Variants in SCIN observed in about 807,000 individuals in gnomAD.
The protein encoded by SCIN is adseverin.
SCIN carries 91 observed loss-of-function variants against 91.8 expected under a neutral mutation model. That is an observed-to-expected ratio of 0.99 (90% CI 0.84 to 1.18). SCIN has a LOEUF of 1.18. Among genes scored for constraint, SCIN ranks in the 50% most tolerant of loss-of-function variants. The probability of loss-of-function intolerance (pLI) is 0.00; values close to 1 mark genes in which losing one functional copy is unlikely to be tolerated. For synonymous variants in SCIN, 367 were observed against 312.6 expected (o/e 1.17, Z -1.84); for missense variants, 1,087 against 863.9 (o/e 1.26, Z -3.24).
At chr7:12,626,276 A>G (rs915459586) in intron 7 of SCIN, 2 of 350,976 alleles carry the variant, frequency 5.7e-6, no homozygotes, top group African/African-American at 4.3e-5. Context: ...CCTCATTTTT[A>G]TGTCCCTGCA....
intron 11 of SCIN, among the ~76,000 whole-genome samples, chr7:12,641,285 C>T (rs887637651): frequency 6.6e-6 from 1 of 152,140 alleles, no homozygotes; most frequent in African/African-American, 2.4e-5. Flanking sequence ...CCTCCCTCTC[C>T]CTGCACCTGA....
intron 3 of SCIN, among the ~76,000 whole-genome samples, chr7:12,600,986 A>T (rs749549692): frequency 4.6e-5 from 7 of 152,170 alleles, no homozygotes; most frequent in Non-Finnish European, 1.0e-4. Context: ...CAATGCCCAG[A>T]TGTAGAAAAG....
chr7:12,606,087 C>A (rs1056827176), intron 4 of SCIN, among the ~76,000 whole-genome samples: 49 of 152,286 alleles, frequency 3.2e-4, no homozygotes, highest in African/African-American at 1.2e-3. Flanking sequence ...AAATTAATTT[C>A]CATTTGTTCA....
chr7:12,612,989 T>C (rs950128748), intron 4 of SCIN, among the ~76,000 whole-genome samples: 3 of 152,164 alleles, frequency 2.0e-5, no homozygotes, highest in Non-Finnish European at 4.4e-5. Flanking sequence ...CCCTTTAGCT[T>C]GCAGCTGAAG....
intron 3 of SCIN, among the ~76,000 whole-genome samples, chr7:12,599,370 A>AGTGTGT (rs10659954): frequency 0.029 from 4,374 of 149,288 alleles, 64 homozygotes; most frequent in Middle Eastern, 0.034. Flanking sequence ...TTTCATGGTG[A>AGTGTGT]GTGTGTGTGT....
intron 4 of SCIN, 60 bp downstream of exon 4, chr7:12,604,723 GGTGT>G (rs78612532): frequency 0.029 from 26,413 of 919,088 alleles, 351 homozygotes; most frequent in Non-Finnish European, 0.035. Flanking sequence ...GTGTCTGTGT[GGTGT>G]GTGTGTGTGT....
At chr7:12,591,975 G>T (rs1274654399) in intron 3 of SCIN, among the ~76,000 whole-genome samples, 5 of 152,106 alleles carry the variant, frequency 3.3e-5, no homozygotes, top group African/African-American at 7.2e-5. Flanking sequence ...CAAAGAAGAA[G>T]GTCGTCCACA....
Position 12,655,096 on chromosome 7 carries a change from C to T in SCIN, c.*2381C>T, listed in dbSNP as rs1034131612. 2.0e-5 allele frequency: 3 copies of T among 152,172 alleles called. No homozygotes were observed. The highest frequency in any genetic ancestry group is 7.2e-5 in the African/African-American group (3 of 41,440). 9.4% of individuals were successfully genotyped at this position (152,172 alleles called of 1,614,324 possible). On this transcript the variant is annotated 3_prime_UTR_variant, in exon 16 of 16. Coordinates refer to ENST00000297029, the MANE Select transcript of SCIN (RefSeq NM_001112706.3). Reference sequence around the variant, plus strand: ...CTTATATAAAACGGCATAGTATTTGCATAAAACCTATACCATTCTCCTGTA... The same window carrying T: ...CTTATATAAAACGGCATAGTATTTGTATAAAACCTATACCATTCTCCTGTA...
At chr7:12,577,280 T>C (rs1782391912) in intron 1 of SCIN, among the ~76,000 whole-genome samples, 2 of 152,136 alleles carry the variant, frequency 1.3e-5, no homozygotes, top group African/African-American at 4.8e-5. Flanking sequence ...AAAATTAAAT[T>C]ATATTCATTT....
At position 12,626,647 on chromosome 7, in the gene SCIN, G is replaced by C; in HGVS notation, c.1045G>C (p.Asp349His). 1 of 1,556,184 alleles carries C rather than the reference G, an allele frequency of 6.4e-7. No homozygotes were observed. Among genetic ancestry groups the C allele is most frequent in the Non-Finnish European group, 8.7e-7 (1 of 1,149,310 alleles). The change falls in exon 8 of 16, where the codon GAT becomes CAT. Residue 349 changes from aspartate to histidine, a missense_variant. Coordinates refer to ENST00000297029, the MANE Select transcript of SCIN (RefSeq NM_001112706.3). ...CAAACAGTTTTTTAAGGACTGGAGA[G>C]ATAAAGATCAGAGTGATGGCTTCGG... is the stretch of plus-strand genomic sequence containing the variant. ...IFKQFFKDWR[D>H]KDQSDGFGKV...
intron 3 of SCIN, among the ~76,000 whole-genome samples, chr7:12,585,459 A>G (rs913232409): frequency 1.9e-4 from 29 of 152,174 alleles, no homozygotes; most frequent in African/African-American, 6.8e-4. Context: ...CAGAGCTTCA[A>G]CTACTACCCA....
At chr7:12,638,431 G>A (rs1395425888) in intron 10 of SCIN, among the ~76,000 whole-genome samples, 1 of 152,132 alleles carries the variant, frequency 6.6e-6, no homozygotes, top group Non-Finnish European at 1.5e-5. Flanking sequence ...AGTTCAAACT[G>A]AAAGCAGGTG....
chr7:12,608,587 C>T (rs900078600), intron 4 of SCIN, among the ~76,000 whole-genome samples: 3 of 152,236 alleles, frequency 2.0e-5, no homozygotes, highest in Admixed American at 1.3e-4. Flanking sequence ...AAGTGATTCT[C>T]CTGCCTCAGC....
At chr7:12,608,298 G>A (rs1319979215) in intron 4 of SCIN, among the ~76,000 whole-genome samples, 1 of 145,558 alleles carries the variant, frequency 6.9e-6, no homozygotes, top group African/African-American at 2.6e-5. Context: ...TTCCAAACCA[G>A]TCTATACTAT....
chr7:12,625,739 C>T (rs187646350), intron 6 of SCIN, 23 bp from the exon 7 acceptor site: 5 of 1,512,582 alleles, frequency 3.3e-6, no homozygotes, highest in Admixed American at 1.8e-5. Context: ...AGTTCTTTCT[C>T]TTTAATTTAC....
chr7:12,578,503 C>T (rs374830394), intron 2 of SCIN, among the ~76,000 whole-genome samples: 21 of 152,010 alleles, frequency 1.4e-4, no homozygotes, highest in Non-Finnish European at 2.5e-4. Flanking sequence ...TCACAAGATA[C>T]CTTTGTAATA....
At chr7:12,603,046 C>A (rs1369386087) in intron 3 of SCIN, among the ~76,000 whole-genome samples, 1 of 152,102 alleles carries the variant, frequency 6.6e-6, no homozygotes, top group Admixed American at 6.5e-5. Flanking sequence ...GTTTGGGGTC[C>A]CTGACTTCCC....
At chr7:12,574,642 C>G (rs1347473237) in intron 1 of SCIN, among the ~76,000 whole-genome samples, 1 of 152,050 alleles carries the variant, frequency 6.6e-6, no homozygotes, top group Non-Finnish European at 1.5e-5. Context: ...ATATGTTAAG[C>G]TATACTGTAA....
chr7:12,644,838 A>G, intron 13 of SCIN, 133 bp downstream of exon 13: 4 of 753,030 alleles, frequency 5.3e-6, no homozygotes, highest in Non-Finnish European at 8.2e-6. Flanking sequence ...CAACATGTAG[A>G]AACCGTCTCT....
Sources: allele counts gnomAD v4.1 joint callset (sites outside exome capture counted in the v4.1 genomes callset), GRCh38; gene constraint gnomAD v4.1.1; transcripts MANE v1.5; gene names NCBI Gene and HGNC (gene_info 2026-07-23, HGNC 2026-07-21).